Variants in PACS2 observed in about 807,000 individuals in gnomAD.
PACS2 encodes the protein PACS1-like protein.
In PACS2, 36 loss-of-function variants were observed where a neutral mutation model predicts 113.0. The ratio of observed to expected loss-of-function variants is 0.32; its 90% CI spans 0.24 to 0.42. PACS2 has a LOEUF of 0.42. PACS2 is among the 10% of genes least tolerant of loss of function. The probability of loss-of-function intolerance (pLI) is 1.00; values close to 1 mark genes in which losing one functional copy is unlikely to be tolerated. For missense variants in PACS2, 1,015 were observed against 1,239.5 expected (o/e 0.82, Z 2.72); for synonymous variants, 589 against 536.1 (o/e 1.10, Z -1.36).
At position 105,355,072 on chromosome 14, in the gene PACS2, G is replaced by T. The variant is rs909204022; in HGVS notation, c.318G>T (p.Arg106Ser). 3 of 1,613,542 alleles carry T rather than the reference G, an allele frequency of 1.9e-6. No homozygotes were observed. The highest frequency in any genetic ancestry group is 2.5e-6 in the Non-Finnish European group (3 of 1,179,898). Residue 106 changes from arginine (R) to serine (S), a missense_variant, in exon 4 of 25, where the codon AGG becomes AGT. Transcript: ENST00000447393. This position sits in a 1 kb window ranked among gnomAD's most constrained non-coding sequence, Gnocchi z 4.1. Reference sequence around the variant, plus strand: ...CACAGTATCCTCACTTCTTGAAGAGGGAAGGCAACAAGCTTCAGATCATGC... The same window carrying T: ...CACAGTATCCTCACTTCTTGAAGAGTGAAGGCAACAAGCTTCAGATCATGC... The part of the protein sequence containing the change: ...FSLQYPHFLK[R>S]EGNKLQIMLQ...
intron 2 of PACS2, among the ~76,000 whole-genome samples, chr14:105,350,258 T>C (rs1215001741): frequency 1.3e-5 from 2 of 151,904 alleles, no homozygotes; most frequent in African/African-American, 4.8e-5. Flanking sequence ...GGGGTCAGGG[T>C]CTCATTGGGT....
rs1310095109 is a variant in PACS2, at chr14:105,329,693, C to T, written c.119+14656C>T. Among the ~76,000 whole-genome samples the T allele has an allele frequency of 6.6e-6, 1 of 152,162 alleles. No homozygotes were observed. Among genetic ancestry groups the T allele is most frequent in the Non-Finnish European group, 1.5e-5 (1 of 68,012 alleles). On this transcript the variant is annotated intron_variant, in intron 1 of 24. Transcript: ENST00000447393. This position sits in a 1 kb window ranked among gnomAD's most constrained non-coding sequence, Gnocchi z 6.4. ...CCTTGTCTAGGTGCGCACCTGGAGT[C>T]CTTTCCTGCGTGACTTGCAAACAGG...
intron 1 of PACS2, among the ~76,000 whole-genome samples, chr14:105,309,000 GACAA>G (rs2058272191): frequency 1.3e-5 from 2 of 151,982 alleles, no homozygotes; most frequent in African/African-American, 4.8e-5. Flanking sequence ...AAAAGAAAAA[GACAA>G]ACAAAACCTA....
At chr14:105,321,489 A>T (rs1331170055) in intron 1 of PACS2, among the ~76,000 whole-genome samples, 2 of 151,976 alleles carry the variant, frequency 1.3e-5, no homozygotes, top group Non-Finnish European at 2.9e-5. Flanking sequence ...CAGCTTCCCG[A>T]GTAGCTGGGA....
chr14:105,370,303 C>CACTATTGACATGGGCCCCCG (rs1566949612), intron 8 of PACS2: 4 of 138,906 alleles, frequency 2.9e-5, no homozygotes, highest in African/African-American at 1.1e-4. Flanking sequence ...ATGGGCCCCC[C>CACTATTGACATGGGCCCCCG]CTCCCCACCT....
intron 1 of PACS2, among the ~76,000 whole-genome samples, chr14:105,334,136 A>G (rs1230484121): frequency 2.6e-5 from 4 of 152,216 alleles, no homozygotes; most frequent in Admixed American, 1.3e-4. Context: ...GACTGCCCAC[A>G]GGCAGTGGCC....
At chr14:105,328,540 T>C (rs73359017) in intron 1 of PACS2, among the ~76,000 whole-genome samples, 17,626 of 152,238 alleles carry the variant, frequency 0.12, 3,460 homozygotes, top group African/African-American at 0.4. Flanking sequence ...GCAGCAGTTG[T>C]GCTCTGGGCT....
upstream of PACS2, among the ~76,000 whole-genome samples, chr14:105,312,610 C>A (rs2058376067): frequency 6.6e-6 from 1 of 152,032 alleles, no homozygotes; most frequent in South Asian, 2.1e-4. Context: ...GCCTCCCAGC[C>A]TTCAGGGGAT....
Position 105,367,351 on chromosome 14 carries a change from G to A in PACS2, c.562G>A (p.Ala188Thr). The A allele has an allele frequency of 6.2e-7, 1 of 1,613,302 alleles. No homozygotes were observed. The highest frequency in any genetic ancestry group is 8.5e-7 in the Non-Finnish European group (1 of 1,179,988). ...TGACCACGAAGACAGCACCATGCAG[G>A]CCGGCCCCAAGGCCAAGTCCACGGG... is the stretch of plus-strand genomic sequence containing the variant. Reference protein sequence around the residue: ...PIDHEDSTMQAGPKAKSTDNY... With the variant: ...PIDHEDSTMQTGPKAKSTDNY... The change falls in exon 5 of 25, where the codon GCC (alanine) becomes ACC (threonine). Residue 188 changes from alanine to threonine, a missense_variant. By Grantham distance (58) the Ala-to-Thr change is moderately conservative. Transcript: ENST00000447393.
chr14:105,382,997 T>C (rs1385930053), intron 15 of PACS2, 84 bp downstream of exon 15: 1 of 811,616 alleles, frequency 1.2e-6, no homozygotes, highest in South Asian at 1.5e-5. Context: ...GCTCCGGGGC[T>C]AGGTGCGTCC....
chr14:105,369,615 C>T (rs1038129503), intron 7 of PACS2, among the ~76,000 whole-genome samples: 1 of 152,184 alleles, frequency 6.6e-6, no homozygotes, highest in East Asian at 1.9e-4. Flanking sequence ...CCATGGAGTC[C>T]GCACACGCCT....
In PACS2 at chr14:105,386,247, G is replaced by A. The variant is rs72711580; in HGVS notation, c.2033+530G>A. Among the ~76,000 whole-genome samples, 1,369 of 152,228 alleles carry A rather than the reference G, an allele frequency of 9.0e-3. 6 individuals are homozygous for A. The highest frequency in any genetic ancestry group is 0.014 in the Non-Finnish European group (939 of 67,984). On this transcript the variant is annotated intron_variant, in intron 19 of 24. Transcript: ENST00000447393. ...GGGTGCACGCCCTACACACGGGGAC[G>A]CCCAAGCAAGTAGTTAAGGAGCTGG...
chr14:105,314,543 GT>G, upstream of PACS2: 1 of 146,804 alleles, frequency 6.8e-6, no homozygotes, highest in South Asian at 2.1e-4. Flanking sequence ...GGGACGCCCC[GT>G]GAGGCGCCGC....
At position 105,356,720 on chromosome 14, in the gene PACS2, C is replaced by T. The variant is rs1555405377; in HGVS notation, c.423+1543C>T. 6.6e-6 allele frequency among the ~76,000 whole-genome samples: 1 copy of T among 150,752 alleles called. No individual in the cohort carries two copies. The highest frequency in any genetic ancestry group is 1.5e-5 in the Non-Finnish European group (1 of 67,452). The stretch of plus-strand genomic sequence containing the variant: ...CTGTGTTTCCCATTAGCCATGCAGG[C>T]GAGGTCCTGCTGATCCCTGCCGGTC... On this transcript the variant is annotated intron_variant, in intron 4 of 24. Coordinates refer to ENST00000447393, the MANE Select transcript of PACS2 (RefSeq NM_001100913.3). This position sits in a 1 kb window ranked among gnomAD's most constrained non-coding sequence, Gnocchi z 4.0.
intron 1 of PACS2, among the ~76,000 whole-genome samples, chr14:105,341,840 C>T (rs1555401650): frequency 6.6e-6 from 1 of 152,208 alleles, no homozygotes; most frequent in African/African-American, 2.4e-5. Flanking sequence ...GCCACGTTCC[C>T]CCTGGGCAGG....
At chr14:105,387,956 G>C (rs1555413981) in intron 19 of PACS2, among the ~76,000 whole-genome samples, 2 of 152,262 alleles carry the variant, frequency 1.3e-5, no homozygotes, top group African/African-American at 4.8e-5. Flanking sequence ...GGATGTCAAA[G>C]GCCACGTCCA....
In PACS2 at chr14:105,354,248, A is replaced by G. The variant is rs2060345068; in HGVS notation, c.298-804A>G. 6.6e-6 allele frequency among the ~76,000 whole-genome samples: 1 copy of G among 152,118 alleles called. No individual in the cohort carries two copies. Among genetic ancestry groups the G allele is most frequent in the Admixed American group, 6.5e-5 (1 of 15,278 alleles). On this transcript the variant is annotated intron_variant, in intron 3 of 24. Coordinates refer to ENST00000447393, the MANE Select transcript of PACS2 (RefSeq NM_001100913.3). The surrounding 1 kb of genome is among the most constrained non-coding windows in gnomAD (Gnocchi z 4.2). ...AGGATTGCTTGAACCCAGGAGGTGG[A>G]GGTGACAGTGAGCCCGGCTAATTTT...
chr14:105,348,680 C>A lies in PACS2; in HGVS notation c.207+100C>A. On this transcript the variant is annotated intron_variant, in intron 2 of 24. Transcript: ENST00000447393. The surrounding 1 kb of genome is among the most constrained non-coding windows in gnomAD (Gnocchi z 6.4). ...GGTGCGCTACTGTGGGGCCTTGTGC[C>A]AAAACAGCGGGCAGCCCATGCCATC... is the stretch of plus-strand genomic sequence containing the variant. 1.1e-6 allele frequency: 1 copy of A among 894,942 alleles called. No homozygotes were observed. The highest frequency in any genetic ancestry group is 1.8e-6 in the Non-Finnish European group (1 of 549,526). 55.4% of individuals were successfully genotyped at this position (894,942 alleles called of 1,614,324 possible). A position where few individuals can be genotyped will look rare whatever the true frequency, so the allele number is the denominator to read the frequency against.
At position 105,340,977 on chromosome 14, in the gene PACS2, G is replaced by A. The variant is rs587705832; in HGVS notation, c.120-7516G>A. On this transcript the variant is annotated intron_variant, in intron 1 of 24. Coordinates refer to ENST00000447393, the MANE Select transcript of PACS2 (RefSeq NM_001100913.3). This position sits in a 1 kb window ranked among gnomAD's most constrained non-coding sequence, Gnocchi z 4.2. ...TCACCCAGCTAGCATGGGGAGGCTC[G>A]CTACCAAGGGGTGGGGGGCTGGAGA... Among the ~76,000 whole-genome samples the A allele has an allele frequency of 1.5e-4, 23 of 152,342 alleles. No individual in the cohort carries two copies. The highest frequency in any genetic ancestry group is 5.3e-4 in the African/African-American group (22 of 41,588).
Sources: gnomAD v4.1 joint callset for allele counts (sites outside exome capture counted in the v4.1 genomes callset) on GRCh38, gnomAD v4.1.1 for gene constraint, Gnocchi (gnomAD v3.1) non-coding constraint, MANE v1.5 for transcripts, NCBI Gene and HGNC (gene_info 2026-07-23, HGNC 2026-07-21) for gene names.